CREBRF: variants seen among roughly 807,000 people sequenced by gnomAD.
CREBRF encodes UPF0474 protein C5orf41.
In CREBRF, 5 loss-of-function variants were observed where a neutral mutation model predicts 66.1. That is an observed-to-expected ratio of 0.08 (90% CI 0.04 to 0.16). The LOEUF is 0.16. Among genes scored for constraint, CREBRF ranks in the 10% least tolerant of loss-of-function variants. The probability of loss-of-function intolerance (pLI) is 1.00; values close to 1 mark genes in which losing one functional copy is unlikely to be tolerated. For missense variants in CREBRF, 531 were observed against 744.9 expected (o/e 0.71, Z 3.34); for synonymous variants, 229 against 264.4 (o/e 0.87, Z 1.30).
At chr5:173,085,845 T>G in intron 2 of CREBRF, 1 of 790,936 alleles carries the variant, frequency 1.3e-6, no homozygotes, top group African/African-American at 1.7e-5. Flanking sequence ...TTGGCAAGTT[T>G]CTCAATAGTA....
At chr5:173,064,559 ATTTTTTTTTT>A (rs1217486982) in intron 1 of CREBRF, among the ~76,000 whole-genome samples, 1 of 107,646 alleles carries the variant, frequency 9.3e-6, no homozygotes, top group Non-Finnish European at 1.9e-5. Context: ...CACCTGGTTA[ATTTTTTTTTT>A]TTTTTTTTTT....
At chr5:173,118,681 G>A (rs765155559) in intron 7 of CREBRF, among the ~76,000 whole-genome samples, 20 of 149,442 alleles carry the variant, frequency 1.3e-4, no homozygotes, top group Non-Finnish European at 2.5e-4. Context: ...TCTAGATATT[G>A]TATTCTGTTT....
intron 1 of CREBRF, among the ~76,000 whole-genome samples, chr5:173,062,598 C>T (rs892144044): frequency 2.0e-5 from 3 of 151,124 alleles, no homozygotes; most frequent in African/African-American, 7.3e-5. Context: ...ATATTCCTTG[C>T]AGGTATTAAA....
At chr5:173,059,533 G>T (rs1177042184) in intron 1 of CREBRF, among the ~76,000 whole-genome samples, 10 of 151,982 alleles carry the variant, frequency 6.6e-5, no homozygotes, top group Admixed American at 6.6e-4. Flanking sequence ...CAAAGTGCTG[G>T]GATTACAGGC....
At chr5:173,071,373 A>G (rs1168278662) in intron 1 of CREBRF, among the ~76,000 whole-genome samples, 1 of 151,830 alleles carries the variant, frequency 6.6e-6, no homozygotes, top group African/African-American at 2.4e-5. Flanking sequence ...CACCACGCCC[A>G]GCTAATTTTT....
In CREBRF at chr5:173,062,176, G is replaced by C. The variant is rs115097468; in HGVS notation, c.-192+5697G>C. On this transcript the variant is annotated intron_variant, in intron 1 of 8. Transcript: ENST00000296953. ...TGTACTTTGAATATGCTAATATTTC[G>C]GTCTGCTTGAAACCACTTCTCAAAT... Among the ~76,000 whole-genome samples the C allele has an allele frequency of 6.6e-3, 1,006 of 152,140 alleles. 22 individuals are homozygous for C. The highest frequency in any genetic ancestry group is 0.023 in the African/African-American group (944 of 41,494).
At chr5:173,084,373 C>G (rs1023425306) in intron 2 of CREBRF, among the ~76,000 whole-genome samples, 3 of 152,172 alleles carry the variant, frequency 2.0e-5, no homozygotes, top group Admixed American at 2.0e-4. Flanking sequence ...AGGGTGGAAC[C>G]AGGGAACAGC....
chr5:173,090,522 G>T lies in CREBRF; in HGVS notation c.343G>T (p.Val115Leu). 6.2e-7 allele frequency: 1 copy of T among 1,613,450 alleles called. No individual in the cohort carries two copies. Among genetic ancestry groups the T allele is most frequent in the Non-Finnish European group, 8.5e-7 (1 of 1,179,386 alleles). The change falls in exon 4 of 9, where the codon GTG (valine) becomes TTG (leucine). Residue 115 changes from valine (V) to leucine (L), a missense_variant. Transcript: ENST00000296953. The surrounding 1 kb of genome is among the most constrained non-coding windows in gnomAD (Gnocchi z 4.5). The part of the protein sequence containing the change: ...TSCDIWGTKE[V>L]DYLGLDDFSS... ...CTGTGACATCTGGGGAACAAAAGAA[G>T]TGGATTACTTGGGTCTTGATGACTT...
At chr5:173,077,926 T>C (rs906567262) in intron 1 of CREBRF, among the ~76,000 whole-genome samples, 1 of 152,208 alleles carries the variant, frequency 6.6e-6, no homozygotes, top group Non-Finnish European at 1.5e-5. Flanking sequence ...CTGAATAATA[T>C]TCTGTTGTAT....
chr5:173,087,409 A>G (rs960973255), intron 3 of CREBRF, among the ~76,000 whole-genome samples: 3 of 151,668 alleles, frequency 2.0e-5, no homozygotes, highest in African/African-American at 7.3e-5. Flanking sequence ...AAAAGTATGC[A>G]GCTGTTGGCT....
At chr5:173,114,941 C>G (rs533564335) in intron 7 of CREBRF, among the ~76,000 whole-genome samples, 16 of 152,284 alleles carry the variant, frequency 1.1e-4, no homozygotes, top group African/African-American at 3.1e-4. Flanking sequence ...TTTCTGAGAG[C>G]CAGGTGCTTC....
chr5:173,057,012 G>A (rs1211461781), intron 1 of CREBRF, among the ~76,000 whole-genome samples: 4 of 152,084 alleles, frequency 2.6e-5, no homozygotes, highest in Non-Finnish European at 5.9e-5. Flanking sequence ...GCGGGCTGGG[G>A]CTAGGGGGGT....
intron 1 of CREBRF, among the ~76,000 whole-genome samples, chr5:173,062,994 G>A (rs182409076): frequency 2.6e-5 from 4 of 152,094 alleles, no homozygotes; most frequent in Middle Eastern, 3.4e-3. Flanking sequence ...TGATCCGCCC[G>A]CCTCGGCCTC....
At chr5:173,087,005 G>C (rs1156815277) in intron 3 of CREBRF, among the ~76,000 whole-genome samples, 2 of 150,842 alleles carry the variant, frequency 1.3e-5, no homozygotes, top group African/African-American at 4.9e-5. Context: ...GGAGTGCAGT[G>C]GTGCGATCTC....
intron 7 of CREBRF, among the ~76,000 whole-genome samples, chr5:173,116,764 A>G (rs929804719): frequency 2.0e-5 from 3 of 152,212 alleles, no homozygotes; most frequent in Admixed American, 2.0e-4. Context: ...TGATTGATTC[A>G]TAAGATAAGT....
At chr5:173,077,737 A>G (rs982531190) in intron 1 of CREBRF, among the ~76,000 whole-genome samples, 6 of 152,168 alleles carry the variant, frequency 3.9e-5, no homozygotes, top group Admixed American at 3.9e-4. Flanking sequence ...ATGTACACTT[A>G]TTAAATAAAA....
intron 8 of CREBRF, chr5:173,123,871 G>T (rs1759200245): frequency 6.6e-6 from 1 of 152,178 alleles, no homozygotes; most frequent in Non-Finnish European, 1.5e-5. Flanking sequence ...GTGAAGAGTA[G>T]ACCCTAATCG....
chr5:173,099,477 G>A (rs1187845668), intron 4 of CREBRF, among the ~76,000 whole-genome samples: 2 of 152,090 alleles, frequency 1.3e-5, no homozygotes, highest in Non-Finnish European at 2.9e-5. Flanking sequence ...TAAAGCTAAA[G>A]TGATTTTCTT....
At chr5:173,130,138 A>G (rs1255419820) in intron 8 of CREBRF, among the ~76,000 whole-genome samples, 1 of 152,102 alleles carries the variant, frequency 6.6e-6, no homozygotes, top group African/African-American at 2.4e-5. Context: ...TTTTTTATGT[A>G]GCATGTATTT....
Sources: allele counts gnomAD v4.1 joint callset (sites outside exome capture counted in the v4.1 genomes callset), GRCh38; gene constraint gnomAD v4.1.1; non-coding constraint Gnocchi (gnomAD v3.1); transcripts MANE v1.5; gene names NCBI Gene and HGNC (gene_info 2026-07-23, HGNC 2026-07-21).